Variants in COQ8A observed in about 807,000 individuals in gnomAD.
The protein encoded by COQ8A is coenzyme Q8A, also known as atypical kinase COQ8A, mitochondrial.
In COQ8A, 51 loss-of-function variants were observed where a neutral mutation model predicts 65.0. The observed-to-expected ratio is 0.78, with a 90% CI of 0.63 to 0.99. The LOEUF (loss-of-function observed/expected upper bound fraction) is 0.99. Among genes scored for constraint, COQ8A ranks in the 50% least tolerant of loss-of-function variants. The pLI is 0.00. For missense variants in COQ8A, 940 were observed against 875.0 expected, an observed-to-expected ratio of 1.07 and a Z score of -0.94; for synonymous variants, 371 against 353.2, an observed-to-expected ratio of 1.05 and a Z score of -0.57.
rs530083376 is a variant in COQ8A at position 226,983,388 on chromosome 1, G to T, written c.1081-164G>T. Reference sequence around the variant, plus strand: ...TAGGTGGACAACGAGGCTGTGATGGGGTCCAGGTCACGGCAGCATGGCTGG... The same window carrying T: ...TAGGTGGACAACGAGGCTGTGATGGTGTCCAGGTCACGGCAGCATGGCTGG... On this transcript the variant is annotated intron_variant, in intron 8 of 14. Coordinates refer to ENST00000366777, the MANE Select transcript of COQ8A (RefSeq NM_020247.5). 7.7e-5 allele frequency: 56 copies of T among 728,436 alleles called. No homozygotes were observed. The Middle Eastern group carries it at 2.2e-3, about 28-fold the overall frequency. The allele number at this position is 728,436 out of a possible 1,614,324, so 45.1% of individuals were successfully genotyped here.
chr1:226,977,335 A>T (rs1248235880), intron 4 of COQ8A, 114 bp from the exon 5 acceptor site: 2 of 939,630 alleles, frequency 2.1e-6, no homozygotes, highest in Admixed American at 2.3e-5. Context: ...TGTGGCAGCG[A>T]GGGCCCCTGG....
intron 2 of COQ8A, among the ~76,000 whole-genome samples, chr1:226,962,583 CCACGT>C (rs1658317250): frequency 6.6e-6 from 1 of 152,230 alleles, no homozygotes; most frequent in African/African-American, 2.4e-5. Context: ...TTCTCTCCTT[CCACGT>C]CTGTTCTGTG....
intron 5 of COQ8A, among the ~76,000 whole-genome samples, chr1:226,978,432 T>G (rs1264576237): frequency 8.5e-5 from 6 of 70,380 alleles, no homozygotes; most frequent in Admixed American, 3.2e-4. Context: ...CACACCCACC[T>G]CTCACCCACA....
chr1:226,970,464 A>G (rs1392300501), intron 4 of COQ8A, among the ~76,000 whole-genome samples: 1 of 152,240 alleles, frequency 6.6e-6, no homozygotes, highest in Non-Finnish European at 1.5e-5. Flanking sequence ...ATACAACGGT[A>G]TTTGTGTACC....
chr1:226,984,071 C>T (rs369424828), intron 10 of COQ8A, 23 bp from the exon 11 acceptor site: 12 of 1,611,988 alleles, frequency 7.4e-6, no homozygotes, highest in Middle Eastern at 1.7e-4. Flanking sequence ...GTGGCTAGGG[C>T]GTGACCTCCC....
At chr1:226,960,350 GGTGGTGGT>G in intron 1 of COQ8A, among the ~76,000 whole-genome samples, 1 of 150,756 alleles carries the variant, frequency 6.6e-6, no homozygotes, top group African/African-American at 2.4e-5. Context: ...TGGTGGTGGT[GGTGGTGGT>G]GCTTGGTGGT....
intron 2 of COQ8A, among the ~76,000 whole-genome samples, chr1:226,964,751 G>A (rs550167041): frequency 3.3e-5 from 5 of 152,362 alleles, no homozygotes; most frequent in African/African-American, 9.6e-5. Flanking sequence ...GCCCCGGCTG[G>A]GCACACAGTA....
chr1:226,985,419 G>C, intron 14 of COQ8A, 79 bp downstream of exon 14: 1 of 1,540,790 alleles, frequency 6.5e-7, no homozygotes, highest in South Asian at 1.1e-5. Context: ...TGAAAGCACA[G>C]GGGGCAGCTG....
intron 3 of COQ8A, 86 bp downstream of exon 3, chr1:226,965,496 G>T: frequency 6.4e-7 from 1 of 1,558,536 alleles, no homozygotes. Flanking sequence ...GACTTTTCCT[G>T]GGTGCTGTGG....
intron 5 of COQ8A, among the ~76,000 whole-genome samples, chr1:226,981,615 G>T: frequency 6.6e-6 from 1 of 152,216 alleles, no homozygotes; most frequent in South Asian, 2.1e-4. Context: ...CCTGGGTGGG[G>T]GTGCACAGGG....
At chr1:226,966,215 G>A (rs967630064) in intron 4 of COQ8A, among the ~76,000 whole-genome samples, 1 of 152,218 alleles carries the variant, frequency 6.6e-6, no homozygotes, top group Non-Finnish European at 1.5e-5. Context: ...ACAGGCCTGC[G>A]GCTCATGAGT....
intron 1 of COQ8A, among the ~76,000 whole-genome samples, chr1:226,944,742 AGAGAGAGT>A (rs747335702): frequency 1.2e-3 from 16 of 12,946 alleles, no homozygotes; most frequent in South Asian, 0.01. Flanking sequence ...AGAGAGAGAG[AGAGAGAGT>A]GAGAGAGAGA....
intron 4 of COQ8A, among the ~76,000 whole-genome samples, chr1:226,967,675 G>C (rs1658647839): frequency 6.6e-6 from 1 of 152,164 alleles, no homozygotes; most frequent in Admixed American, 6.5e-5. Context: ...AGAGGGTGGG[G>C]GATTATGGGT....
At chr1:226,970,751 C>A (rs1285041345) in intron 4 of COQ8A, among the ~76,000 whole-genome samples, 1 of 152,152 alleles carries the variant, frequency 6.6e-6, no homozygotes, top group Admixed American at 6.5e-5. Flanking sequence ...ATATTAAACA[C>A]CACAAGAATT....
chr1:226,941,138 G>T (rs1252915403), intron 1 of COQ8A, among the ~76,000 whole-genome samples: 2 of 152,174 alleles, frequency 1.3e-5, no homozygotes, highest in Non-Finnish European at 2.9e-5. Flanking sequence ...GGCAGGTTTG[G>T]GTGTTGGGAC....
chr1:226,940,788 T>C (rs1266548210), intron 1 of COQ8A, among the ~76,000 whole-genome samples: 1 of 152,178 alleles, frequency 6.6e-6, no homozygotes, highest in Non-Finnish European at 1.5e-5. Context: ...AATAATGTTG[T>C]TCTTCACTCC....
intron 1 of COQ8A, among the ~76,000 whole-genome samples, chr1:226,950,329 T>A (rs1657300718): frequency 6.6e-6 from 1 of 152,210 alleles, no homozygotes; most frequent in African/African-American, 2.4e-5. Flanking sequence ...ACCCAGGGAA[T>A]CCTAAGAATA....
At chr1:226,971,553 AAAG>A (rs1431301725) in intron 4 of COQ8A, among the ~76,000 whole-genome samples, 15 of 151,556 alleles carry the variant, frequency 9.9e-5, no homozygotes, top group African/African-American at 3.4e-4. Flanking sequence ...TCAAAAAGAA[AAAG>A]AAAAAAAAGA....
Position 226,966,894 on chromosome 1 carries a change from G to A in COQ8A, c.655+1157G>A, listed in dbSNP as rs552804347. ...TGGGTTCTGACATTGAATGATGGCT[G>A]GCCCCCCTCTCCAAGGTGCTGAGCA... On this transcript the variant is annotated intron_variant, in intron 4 of 14. Transcript: ENST00000366777. Among the ~76,000 whole-genome samples, 10 of 152,202 alleles carry A rather than the reference G, an allele frequency of 6.6e-5. No homozygotes were observed. The East Asian group carries it at 1.7e-3, about 26-fold the overall frequency.
Sources: gnomAD v4.1 joint callset for allele counts (sites outside exome capture counted in the v4.1 genomes callset) on GRCh38, gnomAD v4.1.1 for gene constraint, MANE v1.5 for transcripts, NCBI Gene and HGNC (gene_info 2026-07-23, HGNC 2026-07-21) for gene names.